Variants in SLC39A11 observed in about 807,000 individuals in gnomAD.
SLC39A11 encodes the protein solute carrier family 39 member 11, also known as zinc transporter ZIP11.
Under a neutral mutation model 36.1 loss-of-function variants are expected in SLC39A11, and 33 were observed. The observed-to-expected ratio is 0.91, with a 90% CI of 0.69 to 1.22. SLC39A11 has a LOEUF of 1.22. SLC39A11 is among the 50% of genes most tolerant of loss of function. The pLI is 0.00. For synonymous variants in SLC39A11, 166 were observed against 170.3 expected, an observed-to-expected ratio of 0.97 and a Z score of 0.20; for missense variants, 432 against 430.3, an observed-to-expected ratio of 1.00 and a Z score of -0.03.
chr17:72,678,068 G>A (rs545944374), intron 7 of SLC39A11, among the ~76,000 whole-genome samples: 1 of 152,146 alleles, frequency 6.6e-6, no homozygotes, highest in Non-Finnish European at 1.5e-5. Flanking sequence ...AGAAGCAGAG[G>A]GTCCATGTTT....
chr17:72,786,788 C>T (rs977992708), intron 6 of SLC39A11, among the ~76,000 whole-genome samples: 1 of 152,062 alleles, frequency 6.6e-6, no homozygotes, highest in Non-Finnish European at 1.5e-5. Flanking sequence ...GTCCTAGAGG[C>T]AGACTCTAGG....
chr17:73,017,299 A>G (rs1452436077), intron 4 of SLC39A11, among the ~76,000 whole-genome samples: 1 of 152,226 alleles, frequency 6.6e-6, no homozygotes, highest in Non-Finnish European at 1.5e-5. Context: ...CAGGGCTGTG[A>G]TCCTAGCCAG....
intron 4 of SLC39A11, among the ~76,000 whole-genome samples, chr17:72,956,911 A>C (rs1334106206): frequency 6.6e-6 from 1 of 152,188 alleles, no homozygotes; most frequent in East Asian, 1.9e-4. Context: ...TTATTGTTCT[A>C]TGGTCAACTG....
chr17:72,821,585 GACAT>G (rs1259877121), intron 6 of SLC39A11: 1 of 143,814 alleles, frequency 7.0e-6, no homozygotes, highest in African/African-American at 2.5e-5. Context: ...AATCTGAAAA[GACAT>G]ACACACAGCA....
At chr17:73,081,710 T>TAC (rs1239732130) in intron 3 of SLC39A11, among the ~76,000 whole-genome samples, 3 of 145,296 alleles carry the variant, frequency 2.1e-5, no homozygotes. Context: ...TGTATATATA[T>TAC]ACACATATAT....
intron 4 of SLC39A11, among the ~76,000 whole-genome samples, chr17:73,004,155 G>GAAAGA (rs2089995951): frequency 8.1e-6 from 1 of 123,488 alleles, no homozygotes; most frequent in African/African-American, 3.1e-5. Flanking sequence ...AAGAAAGAAA[G>GAAAGA]AAGGAAAAAA....
At chr17:72,977,786 C>T (rs970915065) in intron 4 of SLC39A11, among the ~76,000 whole-genome samples, 5 of 152,196 alleles carry the variant, frequency 3.3e-5, no homozygotes, top group East Asian at 3.9e-4. Context: ...CAAAGGGTAA[C>T]GGCTCCCAAA....
intron 5 of SLC39A11, among the ~76,000 whole-genome samples, chr17:72,854,025 A>C (rs1366583482): frequency 6.6e-6 from 1 of 152,182 alleles, no homozygotes; most frequent in East Asian, 1.9e-4. Flanking sequence ...TATTTCATTT[A>C]GGGATGAAAT....
chr17:72,787,891 T>C (rs1341915438), intron 6 of SLC39A11, among the ~76,000 whole-genome samples: 1 of 152,130 alleles, frequency 6.6e-6, no homozygotes, highest in African/African-American at 2.4e-5. Flanking sequence ...CGCATCCAGT[T>C]ATTTTGAGCT....
chr17:72,776,195 A>G (rs2076125444), intron 6 of SLC39A11, among the ~76,000 whole-genome samples: 1 of 152,222 alleles, frequency 6.6e-6, no homozygotes, highest in African/African-American at 2.4e-5. Context: ...ACAGATGTTT[A>G]GATTCTGCAG....
At chr17:72,800,699 G>A (rs1161818168) in intron 6 of SLC39A11, among the ~76,000 whole-genome samples, 1 of 152,076 alleles carries the variant, frequency 6.6e-6, no homozygotes, top group Non-Finnish European at 1.5e-5. Flanking sequence ...AAATGGCAGG[G>A]GACTAGAGGT....
intron 3 of SLC39A11, among the ~76,000 whole-genome samples, chr17:73,084,020 C>A (rs2060633839): frequency 6.6e-6 from 1 of 152,140 alleles, no homozygotes; most frequent in Non-Finnish European, 1.5e-5. Flanking sequence ...ATTCTAACCT[C>A]CCAAGAAGTT....
rs908545296 is a variant in SLC39A11, at chr17:72,709,081, G to A, written c.671+27569C>T. ...CTCCTGAGCAGCTGGGACTACAGGC[G>A]CCTGCCACCACACCCAGCTAATTTT... is the stretch of plus-strand genomic sequence containing the variant. On this transcript the variant is annotated intron_variant, in intron 7 of 9. Transcript: ENST00000255559. Among the ~76,000 whole-genome samples, 8 of 151,900 alleles carry A rather than the reference G, an allele frequency of 5.3e-5. No homozygotes were observed. The South Asian group carries it at 6.2e-4, about 12-fold the overall frequency.
chr17:72,947,187 A>C (rs1188186335), intron 5 of SLC39A11, among the ~76,000 whole-genome samples: 1 of 152,096 alleles, frequency 6.6e-6, no homozygotes. Flanking sequence ...CCAGGCATGG[A>C]CCTGTAGTCC....
At chr17:72,783,018 A>AAAAGAAAAAAAAAAAG in intron 6 of SLC39A11, among the ~76,000 whole-genome samples, 1 of 142,380 alleles carries the variant, frequency 7.0e-6, no homozygotes, top group East Asian at 1.9e-4. Flanking sequence ...AAAAAAAAAA[A>AAAAGAAAAAAAAAAAG]AAAAGAAAAA....
intron 4 of SLC39A11, among the ~76,000 whole-genome samples, chr17:72,950,552 C>T (rs967204608): frequency 3.9e-5 from 6 of 152,150 alleles, no homozygotes; most frequent in Admixed American, 1.3e-4. Flanking sequence ...TGCTGACATC[C>T]GAGGAATCAC....
intron 7 of SLC39A11, among the ~76,000 whole-genome samples, chr17:72,733,641 A>G (rs748459605): frequency 3.9e-5 from 6 of 152,208 alleles, no homozygotes; most frequent in Non-Finnish European, 7.3e-5. Flanking sequence ...TGAGGACCAC[A>G]TGATTTCACC....
At chr17:72,858,895 G>A (rs1353348397) in intron 5 of SLC39A11, among the ~76,000 whole-genome samples, 1 of 152,142 alleles carries the variant, frequency 6.6e-6, no homozygotes, top group Non-Finnish European at 1.5e-5. Flanking sequence ...AAGCTTTTAG[G>A]CCAAGACTAT....
At chr17:72,825,649 C>A (rs1425219410) in intron 6 of SLC39A11, among the ~76,000 whole-genome samples, 1 of 152,222 alleles carries the variant, frequency 6.6e-6, no homozygotes, top group Non-Finnish European at 1.5e-5. Context: ...AGAGGCTGTA[C>A]CGCGCAGAGC....
Sources: gnomAD v4.1 joint callset for allele counts (sites outside exome capture counted in the v4.1 genomes callset) on GRCh38, gnomAD v4.1.1 for gene constraint, MANE v1.5 for transcripts, NCBI Gene and HGNC (gene_info 2026-07-23, HGNC 2026-07-21) for gene names.